Variants in LAMA4 observed in about 807,000 individuals in gnomAD.
The protein encoded by LAMA4 is laminin subunit alpha 4, also known as laminin subunit alpha-4.
In LAMA4, 127 loss-of-function variants were observed where a neutral mutation model predicts 207.1. That is an observed-to-expected ratio of 0.61 (90% confidence interval 0.53 to 0.71). The LOEUF (loss-of-function observed/expected upper bound fraction) is 0.71. Among genes scored for constraint, LAMA4 ranks in the 30% least tolerant of loss-of-function variants. The pLI is 0.00. For synonymous variants in LAMA4, 761 were observed against 816.0 expected, an observed-to-expected ratio of 0.93 and a Z score of 1.15; for missense variants, 2,093 against 2,246.5, an observed-to-expected ratio of 0.93 and a Z score of 1.38.
At chr6:112,164,012 G>GT (rs1781243083) in intron 13 of LAMA4, 1 of 152,244 alleles carries the variant, frequency 6.6e-6, no homozygotes, top group Admixed American at 6.6e-5. Context: ...GATGAAGGGA[G>GT]TTCTCTTCTC....
intron 31 of LAMA4, among the ~76,000 whole-genome samples, chr6:112,126,285 T>C (rs1778683613): frequency 6.6e-6 from 1 of 152,190 alleles, no homozygotes. Context: ...ATCTGCTGCC[T>C]ATGAACCTCT....
chr6:112,204,484 A>G (rs554896823), intron 4 of LAMA4, among the ~76,000 whole-genome samples: 1 of 152,138 alleles, frequency 6.6e-6, no homozygotes, highest in African/African-American at 2.4e-5. Context: ...CAAAAAAAAA[A>G]AAACAAACAC....
At chr6:112,186,077 T>C (rs62413972) in intron 8 of LAMA4, among the ~76,000 whole-genome samples, 5,765 of 152,322 alleles carry the variant, frequency 0.038, 174 homozygotes, top group South Asian at 0.093. Context: ...CAGGCTACAA[T>C]ACAATTTTTG....
intron 2 of LAMA4, among the ~76,000 whole-genome samples, chr6:112,231,527 T>C (rs1785561349): frequency 6.6e-6 from 1 of 152,002 alleles, no homozygotes; most frequent in African/African-American, 2.4e-5. Flanking sequence ...AAGCAAATAA[T>C]GCAGATCCCT....
rs191527710 is a variant in LAMA4, at chr6:112,233,584, G to A, written c.196-17115C>T. On this transcript the variant is annotated intron_variant, in intron 2 of 38. Transcript: ENST00000230538. ...AGAAATGCTGAGTGAGCTAAGAAGAGCAAGAGATTACTTTTAACATAGGGA... is the reference window on the plus strand; with the variant it reads ...AGAAATGCTGAGTGAGCTAAGAAGAACAAGAGATTACTTTTAACATAGGGA... Among the ~76,000 whole-genome samples the A allele has an allele frequency of 3.4e-3, 521 of 152,296 alleles. 4 individuals carry two copies. Among genetic ancestry groups the A allele is most frequent in the Middle Eastern group, 0.017 (5 of 294 alleles).
intron 3 of LAMA4, among the ~76,000 whole-genome samples, chr6:112,209,293 A>C (rs1349313031): frequency 6.6e-6 from 1 of 152,126 alleles, no homozygotes; most frequent in African/African-American, 2.4e-5. Flanking sequence ...CAAAGTGACT[A>C]CTGTGTTGCA....
At chr6:112,204,783 C>T (rs1379405120) in intron 4 of LAMA4, among the ~76,000 whole-genome samples, 1 of 152,086 alleles carries the variant, frequency 6.6e-6, no homozygotes, top group African/African-American at 2.4e-5. Context: ...CGTTTTCTAC[C>T]CTCACTGTGA....
At chr6:112,227,057 ATTT>A (rs1554362777) in intron 2 of LAMA4, among the ~76,000 whole-genome samples, 21 of 147,874 alleles carry the variant, frequency 1.4e-4, no homozygotes, top group Admixed American at 1.4e-3. Context: ...TTATTTATTT[ATTT>A]ATTTATTTAT....
At chr6:112,250,151 T>C (rs983809788) in intron 2 of LAMA4, among the ~76,000 whole-genome samples, 1 of 152,204 alleles carries the variant, frequency 6.6e-6, no homozygotes, top group Non-Finnish European at 1.5e-5. Flanking sequence ...CCTAATTGAA[T>C]TGTTGGAACA....
intron 2 of LAMA4, among the ~76,000 whole-genome samples, chr6:112,252,955 AC>A (rs1169119817): frequency 5.9e-5 from 9 of 152,344 alleles, no homozygotes; most frequent in African/African-American, 2.2e-4. Context: ...ATGTTCATGC[AC>A]CTTATTTTTA....
intron 2 of LAMA4, among the ~76,000 whole-genome samples, chr6:112,226,921 T>C (rs558010051): frequency 1.4e-4 from 21 of 152,328 alleles, no homozygotes; most frequent in Non-Finnish European, 2.5e-4. Context: ...TAATATATTG[T>C]GTAGGGATAC....
chr6:112,198,194 T>C (rs1554351088), intron 5 of LAMA4, among the ~76,000 whole-genome samples: 7 of 152,110 alleles, frequency 4.6e-5, no homozygotes. Flanking sequence ...ATATTCTTTT[T>C]CAGTGGGTGG....
chr6:112,192,814 GT>G (rs1190037987), intron 5 of LAMA4, among the ~76,000 whole-genome samples: 1 of 152,258 alleles, frequency 6.6e-6, no homozygotes, highest in Non-Finnish European at 1.5e-5. Flanking sequence ...GCTGTGAGTG[GT>G]GGGCCTGTAG....
At chr6:112,221,138 G>A (rs1451877190) in intron 2 of LAMA4, among the ~76,000 whole-genome samples, 6 of 152,100 alleles carry the variant, frequency 3.9e-5, no homozygotes, top group African/African-American at 1.2e-4. Flanking sequence ...AGTTGTCATC[G>A]GAGAGTATGA....
Position 112,140,859 on chromosome 6 carries a change from CT to C in LAMA4, c.2876del (p.Lys959SerfsTer39). On this transcript the variant is annotated frameshift_variant, in exon 22 of 39. Transcript: ENST00000230538. LOFTEE classifies it high-confidence loss of function. ...CCGAAAATTCCCCCTTTTTAATGAA[CT>C]TTTCCTCTGCTGTGCTACTTAGACT... ...VPSLSSTAEEKFIKKGEFSGD... is the reference protein window; with the variant it reads ...VPSLSSTAEEXFIKKGEFSGD... 6.2e-7 allele frequency: 1 copy of C among 1,613,998 alleles called. No individual in the cohort carries two copies. The highest frequency in any genetic ancestry group is 1.1e-5 in the South Asian group (1 of 91,072).
At chr6:112,239,590 T>C (rs1786228111) in intron 2 of LAMA4, among the ~76,000 whole-genome samples, 1 of 152,196 alleles carries the variant, frequency 6.6e-6, no homozygotes, top group South Asian at 2.1e-4. Flanking sequence ...ACAGTCCTTC[T>C]CTTAGTTCAG....
chr6:112,236,651 T>G (rs1198492649), intron 2 of LAMA4: 1 of 152,212 alleles, frequency 6.6e-6, no homozygotes, highest in Non-Finnish European at 1.5e-5. Flanking sequence ...ATACTGCAGA[T>G]ATGTTATAAG....
chr6:112,110,883 G>A (rs1334095946), intron 38 of LAMA4, among the ~76,000 whole-genome samples: 2 of 152,162 alleles, frequency 1.3e-5, no homozygotes, highest in Admixed American at 6.5e-5. Flanking sequence ...CAGTGCCCTA[G>A]GATCCTAAGT....
At position 112,114,715 on chromosome 6, in the gene LAMA4, G is replaced by A; in HGVS notation, c.5154C>T (p.Thr1718=). 1.2e-6 allele frequency: 2 copies of A among 1,612,900 alleles called. No individual in the cohort carries two copies. Among genetic ancestry groups the A allele is most frequent in the Non-Finnish European group, 8.5e-7 (1 of 1,179,100 alleles). ...AGAGACTCTGCTTGGGTGTAACTGA[G>A]GTGGAAAAATCTCTGATGCCATTAT... The part of the protein sequence containing the change: ...KVNNGIRDFS[T]SVTPKQSLCD... The change falls in exon 37 of 39, where the codon ACC becomes ACT. Residue 1718 remains threonine (T), a synonymous_variant. Coordinates refer to ENST00000230538, the MANE Select transcript of LAMA4 (RefSeq NM_001105206.3).
Sources: allele counts gnomAD v4.1 joint callset (sites outside exome capture counted in the v4.1 genomes callset), GRCh38; gene constraint gnomAD v4.1.1; transcripts MANE v1.5; gene names NCBI Gene and HGNC (gene_info 2026-07-23, HGNC 2026-07-21).